MTA3: variants seen among roughly 807,000 people sequenced by gnomAD.
The protein encoded by MTA3 is metastasis associated 1 family member 3.
A neutral mutation model predicts 83.5 loss-of-function variants in MTA3; 34 were observed. The ratio of observed to expected loss-of-function variants is 0.41; its 90% CI spans 0.31 to 0.54. The LOEUF is 0.54. MTA3 is among the 20% of genes least tolerant of loss of function. The probability of loss-of-function intolerance (pLI) is 0.33; values close to 1 mark genes in which losing one functional copy is unlikely to be tolerated. For synonymous variants in MTA3, 303 were observed against 252.7 expected, an observed-to-expected ratio of 1.20 and a Z score of -1.89; for missense variants, 761 against 726.4, an observed-to-expected ratio of 1.05 and a Z score of -0.55.
At chr2:42,693,574 T>C (rs1693109037) in intron 9 of MTA3, among the ~76,000 whole-genome samples, 1 of 152,128 alleles carries the variant, frequency 6.6e-6, no homozygotes, top group Admixed American at 6.5e-5. Context: ...CAATGTACAC[T>C]TAAAGCCCAT....
At chr2:42,689,699 T>C (rs1692699263) in intron 9 of MTA3, among the ~76,000 whole-genome samples, 1 of 152,140 alleles carries the variant, frequency 6.6e-6, no homozygotes, top group South Asian at 2.1e-4. Flanking sequence ...TTTTCTCATG[T>C]TATCCTTTTA....
At chr2:42,499,723 G>T (rs1674309174) in intron 2 of MTA3, among the ~76,000 whole-genome samples, 1 of 151,180 alleles carries the variant, frequency 6.6e-6, no homozygotes, top group African/African-American at 2.4e-5. Context: ...GGGAGGCGGA[G>T]GTTGCGGTGA....
chr2:42,687,265 T>C (rs532841399), intron 9 of MTA3, among the ~76,000 whole-genome samples: 11 of 152,298 alleles, frequency 7.2e-5, no homozygotes, highest in African/African-American at 2.6e-4. Flanking sequence ...ATCCCTATAG[T>C]TTTGCCTTTT....
chr2:42,602,174 A>G (rs1400546303), intron 3 of MTA3, among the ~76,000 whole-genome samples: 1 of 151,884 alleles, frequency 6.6e-6, no homozygotes, highest in Non-Finnish European at 1.5e-5. Context: ...ATGGGGTTTC[A>G]TCCTGTTGCC....
At chr2:42,736,144 G>C (rs771758807) in intron 16 of MTA3, among the ~76,000 whole-genome samples, 4 of 152,186 alleles carry the variant, frequency 2.6e-5, no homozygotes, top group Non-Finnish European at 5.9e-5. Flanking sequence ...GTTCACTGCA[G>C]CCATACCTGC....
chr2:42,594,728 A>ATATATATATATATATTTTTTTTTTT lies in MTA3; in HGVS notation c.191-14729_191-14728insATATATATATATATTTTTTTTTTTT. ...TACATATATATATATATATATATAT[A>ATATATATATATATATTTTTTTTTTT]TTTTTTTTTTTTTTTTGAGACAGAG... On this transcript the variant is annotated intron_variant, in intron 3 of 16. Transcript: ENST00000405094. 4.6e-3 allele frequency among the ~76,000 whole-genome samples: 110 copies of ATATATATATATATATTTTTTTTTTT among 24,028 alleles called. 2 individuals are homozygous for ATATATATATATATATTTTTTTTTTT. The highest frequency in any genetic ancestry group is 6.0e-3 in the Non-Finnish European group (93 of 15,444). 15.8% of individuals were successfully genotyped at this position (24,028 alleles called of 152,430 possible). A position where few individuals can be genotyped will look rare whatever the true frequency, so the allele number is the denominator to read the frequency against.
intron 4 of MTA3, among the ~76,000 whole-genome samples, chr2:42,623,234 A>ATCC (rs1276628461): frequency 6.6e-6 from 1 of 152,202 alleles, no homozygotes; most frequent in Non-Finnish European, 1.5e-5. Context: ...GGACACCTGG[A>ATCC]TCCTGGCGTG....
intron 8 of MTA3, among the ~76,000 whole-genome samples, chr2:42,662,702 T>C (rs1451311909): frequency 6.6e-6 from 1 of 151,476 alleles, no homozygotes. Flanking sequence ...CCACCGCCCC[T>C]ATGTTTTCCC....
At chr2:42,611,024 C>T (rs1684139200) in intron 4 of MTA3, among the ~76,000 whole-genome samples, 1 of 150,006 alleles carries the variant, frequency 6.7e-6, no homozygotes, top group Non-Finnish European at 1.5e-5. Context: ...CTCTGTCACC[C>T]AGGCTGGAGT....
chr2:42,554,140 A>T lies in MTA3; in HGVS notation c.-140-16297A>T, dbSNP rs555445443. ...TCCCAGCTACTCGGGAAGCTGAGGT[A>T]CGGGAATCGCTTGAATGCAGGAGAT... is the stretch of plus-strand genomic sequence containing the variant. On this transcript the variant is annotated intron_variant, in intron 2 of 17. Transcript: ENST00000405592. 7.7e-4 allele frequency among the ~76,000 whole-genome samples: 117 copies of T among 151,632 alleles called. 1 individual carries two copies. Among genetic ancestry groups the T allele is most frequent in the African/African-American group, 2.7e-3 (112 of 41,392 alleles).
Position 42,683,931 on chromosome 2 carries a change from AT to A in MTA3, c.891+1351del, listed in dbSNP as rs1020516298. On this transcript the variant is annotated intron_variant, in intron 9 of 16. Transcript: ENST00000405094. Reference sequence around the variant, plus strand: ...CTATGTATATTTTTTATTATTAAAAATTTTTTTTTCCTCAGCTTTACTGAGG... The same window carrying A: ...CTATGTATATTTTTTATTATTAAAAATTTTTTTTCCTCAGCTTTACTGAGG... Among the ~76,000 whole-genome samples, 293 of 151,832 alleles carry A rather than the reference AT, an allele frequency of 1.9e-3. 2 individuals carry two copies. The highest frequency in any genetic ancestry group is 6.5e-3 in the African/African-American group (268 of 41,378).
intron 12 of MTA3, 38 bp downstream of exon 12, chr2:42,704,356 C>G: frequency 8.7e-6 from 14 of 1,610,848 alleles, no homozygotes; most frequent in Non-Finnish European, 1.2e-5. Context: ...GCATCGGGAA[C>G]TGTTCTGGCT....
intron 2 of MTA3, among the ~76,000 whole-genome samples, chr2:42,499,556 C>CCGATCA (rs1396646746): frequency 6.6e-6 from 1 of 151,146 alleles, no homozygotes; most frequent in Non-Finnish European, 1.5e-5. Context: ...CTTTCGGAGG[C>CCGATCA]CGAGTCAGGC....
intron 16 of MTA3, among the ~76,000 whole-genome samples, chr2:42,735,612 G>A (rs141989018): frequency 6.6e-6 from 1 of 152,114 alleles, no homozygotes; most frequent in African/African-American, 2.4e-5. Context: ...CCCCTTTGAA[G>A]CTATTTTCTA....
intron 3 of MTA3, among the ~76,000 whole-genome samples, chr2:42,590,405 G>A (rs765562210): frequency 1.3e-5 from 2 of 152,026 alleles, no homozygotes; most frequent in African/African-American, 2.4e-5. Context: ...CCATGTGATC[G>A]CTGCATACTG....
intron 6 of MTA3, among the ~76,000 whole-genome samples, chr2:42,649,846 A>G (rs1688546398): frequency 6.6e-6 from 1 of 152,234 alleles, no homozygotes; most frequent in Non-Finnish European, 1.5e-5. Context: ...AAGCTGTAAA[A>G]AGGGACCTAC....
intron 4 of MTA3, among the ~76,000 whole-genome samples, chr2:42,611,455 T>C (rs886310393): frequency 6.6e-6 from 1 of 152,180 alleles, no homozygotes; most frequent in Non-Finnish European, 1.5e-5. Context: ...CTGGAATTTC[T>C]TTGTCTCCAA....
chr2:42,740,559 A>G (rs921784837), intron 16 of MTA3, among the ~76,000 whole-genome samples: 2 of 152,240 alleles, frequency 1.3e-5, no homozygotes, highest in African/African-American at 4.8e-5. Flanking sequence ...CCATCCGTTC[A>G]TCCATCCTAG....
chr2:42,589,313 G>GTAC (rs1196832464), intron 3 of MTA3, among the ~76,000 whole-genome samples: 1 of 152,020 alleles, frequency 6.6e-6, no homozygotes, highest in East Asian at 1.9e-4. Flanking sequence ...TTAAATACAT[G>GTAC]ATGCAAATTT....
Sources: allele counts gnomAD v4.1 joint callset (sites outside exome capture counted in the v4.1 genomes callset), GRCh38; gene constraint gnomAD v4.1.1; transcripts MANE v1.5; gene names NCBI Gene and HGNC (gene_info 2026-07-23, HGNC 2026-07-21).